Variants in PLK3 observed in about 807,000 individuals in gnomAD.
The protein encoded by PLK3 is serine/threonine-protein kinase PLK3.
PLK3 carries 41 observed loss-of-function variants against 71.6 expected under a neutral mutation model. The ratio of observed to expected loss-of-function variants is 0.57; its 90% CI spans 0.45 to 0.74. The LOEUF (loss-of-function observed/expected upper bound fraction) is 0.74. PLK3 is among the 30% of genes least tolerant of loss of function. The pLI, the probability that PLK3 is intolerant of heterozygous loss-of-function variation, is 0.00. For synonymous variants in PLK3, 366 were observed against 355.4 expected (o/e 1.03, Z -0.33); for missense variants, 791 against 875.6 (o/e 0.90, Z 1.22).
Position 44,803,401 on chromosome 1 carries a change from G to C in PLK3, c.1072+10G>C. 3 of 1,613,880 alleles carry C rather than the reference G, an allele frequency of 1.9e-6. No homozygotes were observed. Among genetic ancestry groups the C allele is most frequent in the Non-Finnish European group, 2.5e-6 (3 of 1,179,970 alleles). ...GGCAGAAAGAAGAAGAGTGAGTCTG[G>C]GGTGTCAGTGGGTTGAGGGGGCAGA... is the stretch of plus-strand genomic sequence containing the variant. On this transcript the variant is annotated intron_variant, in intron 8 of 14. Transcript: ENST00000372201. The surrounding 1 kb of genome is among the most constrained non-coding windows in gnomAD (Gnocchi z 4.3).
chr1:44,802,751 C>T lies in PLK3; in HGVS notation c.654-9C>T. The T allele has an allele frequency of 3.7e-6, 6 of 1,605,918 alleles. No homozygotes were observed. The highest frequency in any genetic ancestry group is 5.1e-6 in the Non-Finnish European group (6 of 1,173,620). ...TCAGCCTTCTCTCCTCCTCCCCACC[C>T]TCTTTCAGGACCATCTGTGGCACCC... On this transcript the variant is annotated splice_polypyrimidine_tract_variant and intron_variant, in intron 5 of 14. Coordinates refer to ENST00000372201, the MANE Select transcript of PLK3 (RefSeq NM_004073.4).
chr1:44,805,501 G>C lies in PLK3; in HGVS notation c.1764G>C (p.Gly588=). The change falls in exon 15 of 15, where the codon GGG becomes GGC. Residue 588 remains glycine, a synonymous_variant. Transcript: ENST00000372201. The part of the protein sequence containing the change: ...SDGTVQVNFY[G]DHTKLILSGW... Reference sequence around the variant, plus strand: ...TCTGTGTGCAGGTGAACTTCTACGGGGACCACACCAAGCTGATTCTCAGTG... The same window carrying C: ...TCTGTGTGCAGGTGAACTTCTACGGCGACCACACCAAGCTGATTCTCAGTG... 1 of 1,614,156 alleles carries C rather than the reference G, an allele frequency of 6.2e-7. No individual in the cohort carries two copies. The highest frequency in any genetic ancestry group is 8.5e-7 in the Non-Finnish European group (1 of 1,180,000).
In PLK3 at chr1:44,800,782, GC is replaced by G; in HGVS notation, c.211-55del. 1 of 1,553,516 alleles carries G rather than the reference GC, an allele frequency of 6.4e-7. No individual in the cohort carries two copies. Among genetic ancestry groups the G allele is most frequent in the Non-Finnish European group, 8.7e-7 (1 of 1,148,984 alleles). On this transcript the variant is annotated intron_variant, in intron 1 of 14. Coordinates refer to ENST00000372201, the MANE Select transcript of PLK3 (RefSeq NM_004073.4). This position sits in a 1 kb window ranked among gnomAD's most constrained non-coding sequence, Gnocchi z 6.5. ...GGCACTTGACCCCCAACGCGGGGAC[GC>G]CCGCGGGCCAGACTCGGCCCCCCTG... is the stretch of plus-strand genomic sequence containing the variant.
intron 5 of PLK3, among the ~76,000 whole-genome samples, 176 bp from the exon 6 acceptor site, chr1:44,802,584 G>C (rs904108483): frequency 1.3e-5 from 2 of 152,114 alleles, no homozygotes; most frequent in African/African-American, 4.8e-5. Flanking sequence ...AGCTGGGCCA[G>C]GCGGGTGGGC....
intron 5 of PLK3, among the ~76,000 whole-genome samples, 171 bp downstream of exon 5, chr1:44,802,103 G>A (rs1253147053): frequency 6.6e-6 from 1 of 151,894 alleles, no homozygotes; most frequent in Non-Finnish European, 1.5e-5. Context: ...CTGTGTTACC[G>A]AGACCGGTGG....
Position 44,805,829 on chromosome 1 carries a change from G to A in PLK3, c.*151G>A, listed in dbSNP as rs1652019610. 7.5e-7 allele frequency: 1 copy of A among 1,327,804 alleles called. No homozygotes were observed. Among genetic ancestry groups the A allele is most frequent in the East Asian group, 2.5e-5 (1 of 39,508 alleles). The allele number at this position is 1,327,804 out of a possible 1,614,324, so 82.3% of individuals were successfully genotyped here. A position where few individuals can be genotyped will look rare whatever the true frequency, so the allele number is the denominator to read the frequency against. ...GCTTTACTGGAGTTGGGGGCGGCTT[G>A]TCTTCGCTGGCTCCTACCCCATCTC... On this transcript the variant is annotated 3_prime_UTR_variant, in exon 15 of 15. Coordinates refer to ENST00000372201, the MANE Select transcript of PLK3 (RefSeq NM_004073.4).
Position 44,801,604 on chromosome 1 carries a change from G to C in PLK3, c.436-18G>C. 2 of 1,610,886 alleles carry C rather than the reference G, an allele frequency of 1.2e-6. No homozygotes were observed. The highest frequency in any genetic ancestry group is 1.7e-6 in the Non-Finnish European group (2 of 1,178,384). On this transcript the variant is annotated intron_variant, in intron 3 of 14. Transcript: ENST00000372201. ...GGAGGGAGGGCTCACCAGGGGCTGA[G>C]GCAGTGGCTCTCTGCAGTCCCTGGC...
Position 44,803,363 on chromosome 1 carries a change from C to G in PLK3, c.1044C>G (p.Thr348=). 1 of 1,614,106 alleles carries G rather than the reference C, an allele frequency of 6.2e-7. No homozygotes were observed. Among genetic ancestry groups the G allele is most frequent in the Non-Finnish European group, 8.5e-7 (1 of 1,180,018 alleles). ...NPARSLFAKV[T]KSLFGRKKKS... is the part of the protein sequence containing the mutation. ...CTAGGAGTCTGTTTGCCAAAGTTAC[C>G]AAGAGCCTCTTTGGCAGAAAGAAGA... Residue 348 remains threonine (T), a synonymous_variant, in exon 8 of 15, where the codon ACC becomes ACG. Coordinates refer to ENST00000372201, the MANE Select transcript of PLK3 (RefSeq NM_004073.4). This position sits in a 1 kb window ranked among gnomAD's most constrained non-coding sequence, Gnocchi z 4.3.
At position 44,804,932 on chromosome 1, in the gene PLK3, C is replaced by T. The variant is rs181721892; in HGVS notation, c.1635+153C>T. On this transcript the variant is annotated intron_variant, in intron 13 of 14. Coordinates refer to ENST00000372201, the MANE Select transcript of PLK3 (RefSeq NM_004073.4). ...CATCCTGGCTAACAAGGTGAAACCC[C>T]GTCTCTACTAAAAATACAACAAATT... 1,241 of 694,272 alleles carry T rather than the reference C, an allele frequency of 1.8e-3. 3 individuals are homozygous for T. Among genetic ancestry groups the T allele is most frequent in the Non-Finnish European group, 2.5e-3 (1,032 of 419,602 alleles). The allele number at this position is 694,272 out of a possible 1,614,324, so 43.0% of individuals were successfully genotyped here. A position where few individuals can be genotyped will look rare whatever the true frequency, so the allele number is the denominator to read the frequency against.
Position 44,805,929 on chromosome 1 carries a change from T to C in PLK3, c.*251T>C. On this transcript the variant is annotated 3_prime_UTR_variant, in exon 15 of 15. Coordinates refer to ENST00000372201, the MANE Select transcript of PLK3 (RefSeq NM_004073.4). ...CCACTTTTATTTATTGTCAGACACT[T>C]ATTTATTGGGATGTGAGCCCCAGGG... The C allele has an allele frequency of 6.7e-7, 1 of 1,489,342 alleles. No homozygotes were observed. Among genetic ancestry groups the C allele is most frequent in the Non-Finnish European group, 8.9e-7 (1 of 1,119,466 alleles). 92.3% of individuals were successfully genotyped at this position (1,489,342 alleles called of 1,614,324 possible). A position where few individuals can be genotyped will look rare whatever the true frequency, so the allele number is the denominator to read the frequency against.
In PLK3 at chr1:44,805,375, T is replaced by C. The variant is rs943947912; in HGVS notation, c.1745T>C (p.Val582Ala). 6.2e-7 allele frequency: 1 copy of C among 1,613,036 alleles called. No individual in the cohort carries two copies. The highest frequency in any genetic ancestry group is 8.5e-7 in the Non-Finnish European group (1 of 1,179,004). Residue 582 changes from valine to alanine, a missense_variant, in exon 14 of 15, where the codon GTC (valine) becomes GCC (alanine). Transcript: ENST00000372201. ...ALLMLFSDGT[V>A]QVNFYGDHTK... ...CTCATGCTGTTTAGTGATGGCACTG[T>C]CCAGGTAAGAGCCTATCCAGGAGTT...
At chr1:44,804,615 C>G in intron 12 of PLK3, 35 bp from the exon 13 acceptor site, 3 of 1,608,378 alleles carry the variant, frequency 1.9e-6, no homozygotes, top group Non-Finnish European at 1.7e-6. Flanking sequence ...GGCATTGGTG[C>G]AGGGCTCCCT....
At position 44,800,487 on chromosome 1, in the gene PLK3, G is replaced by A; in HGVS notation, c.24G>A (p.Leu8=). MEPAAGF[L]SPRPFQRAAA... ...GCATGGAGCCTGCCGCCGGTTTCCT[G>A]TCTCCGCGCCCCTTCCAGCGTGCGG... The change falls in exon 1 of 15, where the codon CTG becomes CTA. Residue 8 remains leucine, a synonymous_variant. Coordinates refer to ENST00000372201, the MANE Select transcript of PLK3 (RefSeq NM_004073.4). This position sits in a 1 kb window ranked among gnomAD's most constrained non-coding sequence, Gnocchi z 6.5. 1 of 1,433,908 alleles carries A rather than the reference G, an allele frequency of 7.0e-7. No individual in the cohort carries two copies. The allele number at this position is 1,433,908 out of a possible 1,614,324, so 88.8% of individuals were successfully genotyped here. A position where few individuals can be genotyped will look rare whatever the true frequency, so the allele number is the denominator to read the frequency against.
chr1:44,804,442 C>T lies in PLK3; in HGVS notation c.1446C>T (p.Ser482=), dbSNP rs764652183. ...NKFGFGYQLS[S]RRVAVLFNDG... ...TCGGCTTTGGGTATCAACTGTCCAGCCGCCGTGTGGCTGTGCTCTTCAACG... is the reference window on the plus strand; with the variant it reads ...TCGGCTTTGGGTATCAACTGTCCAGTCGCCGTGTGGCTGTGCTCTTCAACG... Residue 482 remains serine (S), a synonymous_variant, in exon 12 of 15, where the codon AGC becomes AGT. Coordinates refer to ENST00000372201, the MANE Select transcript of PLK3 (RefSeq NM_004073.4). 1.2e-6 allele frequency: 2 copies of T among 1,614,204 alleles called. No individual in the cohort carries two copies. The highest frequency in any genetic ancestry group is 1.7e-6 in the Non-Finnish European group (2 of 1,180,016).
At position 44,800,457 on chromosome 1, in the gene PLK3, C is replaced by T. The variant is rs1290442156; in HGVS notation, c.-7C>T. On this transcript the variant is annotated 5_prime_UTR_variant, in exon 1 of 15. Coordinates refer to ENST00000372201, the MANE Select transcript of PLK3 (RefSeq NM_004073.4). The surrounding 1 kb of genome is among the most constrained non-coding windows in gnomAD (Gnocchi z 6.5). ...AAGCCGGGACCGCGCTGCGACGCGC[C>T]GGCCGCATGGAGCCTGCCGCCGGTT... 2.2e-6 allele frequency: 3 copies of T among 1,355,914 alleles called. No homozygotes were observed. Among genetic ancestry groups the T allele is most frequent in the Admixed American group, 3.9e-5 (1 of 25,706 alleles). 84.0% of individuals were successfully genotyped at this position (1,355,914 alleles called of 1,614,324 possible).
At chr1:44,802,425 A>G (rs1651862277) in intron 5 of PLK3, among the ~76,000 whole-genome samples, 1 of 152,062 alleles carries the variant, frequency 6.6e-6, no homozygotes, top group Admixed American at 6.5e-5. Flanking sequence ...GTGTGGCACA[A>G]ACCGTGGGAG....
rs995660598 is a variant in PLK3, at chr1:44,805,659, G to A, written c.1922G>A (p.Arg641Gln). ...QRLRYALRLL[R>Q]DRSPA ...CTCCGCTATGCTCTGCGCCTGCTCC[G>A]GGACCGCAGCCCAGCCTAGGACCCA... Residue 641 changes from arginine (R) to glutamine (Q), a missense_variant, in exon 15 of 15, where the codon CGG (arginine) becomes CAG (glutamine). Physicochemically the swap from Arg to Gln is conservative, Grantham distance 43. Transcript: ENST00000372201. The A allele has an allele frequency of 2.5e-6, 4 of 1,612,790 alleles. No homozygotes were observed. The highest frequency in any genetic ancestry group is 2.2e-5 in the East Asian group (1 of 44,878).
chr1:44,800,553 G>T lies in PLK3; in HGVS notation c.90G>T (p.Pro30=). Residue 30 remains proline (P), a synonymous_variant, in exon 1 of 15, where the codon CCG becomes CCT. Coordinates refer to ENST00000372201, the MANE Select transcript of PLK3 (RefSeq NM_004073.4). The surrounding 1 kb of genome is among the most constrained non-coding windows in gnomAD (Gnocchi z 6.5). ...CCCCGGCCGGGCCCGGGCCGCCTCC[G>T]AGTGCCTTGCGCGGACCTGAGCTGG... ...PAPPAGPGPP[P]SALRGPELEM... 6.7e-7 allele frequency: 1 copy of T among 1,496,628 alleles called. No individual in the cohort carries two copies. The allele number at this position is 1,496,628 out of a possible 1,614,324, so 92.7% of individuals were successfully genotyped here. A position where few individuals can be genotyped will look rare whatever the true frequency, so the allele number is the denominator to read the frequency against.
At chr1:44,805,987 AGAATTGGACTCCCCC>A (rs1652029230) in exon 15 of PLK3, 1 of 1,523,028 alleles carries the variant, frequency 6.6e-7, no homozygotes, top group Admixed American at 2.2e-5. Context: ...ACAATTTTGC[AGAATTGGACTCCCCC>A]TCACTCGCAG....
Sources: gnomAD v4.1 joint callset for allele counts (sites outside exome capture counted in the v4.1 genomes callset) on GRCh38, gnomAD v4.1.1 for gene constraint, Gnocchi (gnomAD v3.1) non-coding constraint, MANE v1.5 for transcripts, NCBI Gene and HGNC (gene_info 2026-07-23, HGNC 2026-07-21) for gene names.